The following ARK2N variants were observed in gnomAD, a reference collection of about 807,000 sequenced individuals.
The protein encoded by ARK2N is protein ARK2N.
chr18:46,207,891 A>G, the ARK2N span, among the ~76,000 whole-genome samples: 2 of 152,146 alleles, frequency 1.3e-5, no homozygotes, highest in Non-Finnish European at 1.5e-5. Context: ...TGTCCATTCC[A>G]TTGGCCTACC....
the ARK2N span, among the ~76,000 whole-genome samples, chr18:46,223,801 T>C: frequency 6.6e-6 from 1 of 152,124 alleles, no homozygotes; most frequent in African/African-American, 2.4e-5. Context: ...TAATCTTTCA[T>C]GAGGAGACAA....
At chr18:46,226,198 A>G in the ARK2N span, among the ~76,000 whole-genome samples, 5 of 152,214 alleles carry the variant, frequency 3.3e-5, no homozygotes, top group Non-Finnish European at 7.4e-5. Context: ...GAAGAACACA[A>G]TTCGTTTCTG....
At chr18:46,174,013 G>A in the ARK2N span, 1 of 152,342 alleles carries the variant, frequency 6.6e-6, no homozygotes, top group African/African-American at 2.4e-5. Flanking sequence ...GGCCGACGCG[G>A]GCTCTGTGTT....
chr18:46,198,883 C>A, the ARK2N span, among the ~76,000 whole-genome samples: 3 of 152,296 alleles, frequency 2.0e-5, no homozygotes, highest in East Asian at 5.8e-4. Context: ...GGATGTGAGC[C>A]ACTGTGCCCA....
chr18:46,181,000 G>A, the ARK2N span, among the ~76,000 whole-genome samples: 1 of 152,084 alleles, frequency 6.6e-6, no homozygotes, highest in African/African-American at 2.4e-5. Flanking sequence ...GGTAACTCAC[G>A]CCTGTAATCC....
At chr18:46,193,926 A>G in the ARK2N span, among the ~76,000 whole-genome samples, 1 of 152,046 alleles carries the variant, frequency 6.6e-6, no homozygotes, top group East Asian at 1.9e-4. Context: ...GTGGATATTT[A>G]CACACCTTTA....
At chr18:46,219,179 T>G in the ARK2N span, 13 of 152,302 alleles carry the variant, frequency 8.5e-5, no homozygotes, top group African/African-American at 3.1e-4. Context: ...TAATTGAGTT[T>G]GATATCTGGG....
the ARK2N span, among the ~76,000 whole-genome samples, chr18:46,182,684 T>A: frequency 4.3e-5 from 1 of 23,120 alleles, no homozygotes; most frequent in Admixed American, 3.6e-4. Flanking sequence ...GCCACAGTGC[T>A]TTTTTTTTTT....
chr18:46,225,693 C>T, the ARK2N span, among the ~76,000 whole-genome samples: 1 of 152,126 alleles, frequency 6.6e-6, no homozygotes, highest in Non-Finnish European at 1.5e-5. Context: ...AACTCCTGAC[C>T]TCGTGCTCCG....
At chr18:46,235,110 G>A in the ARK2N span, among the ~76,000 whole-genome samples, 4 of 152,210 alleles carry the variant, frequency 2.6e-5, no homozygotes, top group Admixed American at 2.6e-4. Context: ...TAATGAGAGA[G>A]TGACAACACT....
chr18:46,205,074 A>AT, the ARK2N span, among the ~76,000 whole-genome samples: 10 of 151,920 alleles, frequency 6.6e-5, no homozygotes, highest in African/African-American at 2.4e-4. Flanking sequence ...CGCCTGGCTA[A>AT]TTTTTTGTAT....
the ARK2N span, among the ~76,000 whole-genome samples, chr18:46,261,822 T>C: frequency 6.6e-6 from 1 of 152,276 alleles, no homozygotes; most frequent in Admixed American, 6.5e-5. Context: ...TTTGTAGGAG[T>C]AGGGCATGTT....
At chr18:46,220,841 T>TA in the ARK2N span, among the ~76,000 whole-genome samples, 1,874 of 152,218 alleles carry the variant, frequency 0.012, 48 homozygotes, top group African/African-American at 0.043. Flanking sequence ...ATACTGCTTT[T>TA]AAAAAATAAT....
chr18:46,241,973 C>T, the ARK2N span, among the ~76,000 whole-genome samples: 1 of 152,016 alleles, frequency 6.6e-6, no homozygotes, highest in Non-Finnish European at 1.5e-5. Flanking sequence ...CGCACCACCA[C>T]GCCTGGCTAA....
At chr18:46,254,325 G>A in the ARK2N span, among the ~76,000 whole-genome samples, 1 of 152,156 alleles carries the variant, frequency 6.6e-6, no homozygotes, top group Non-Finnish European at 1.5e-5. Context: ...TGTATTTCCA[G>A]TAATGCTCAT....
chr18:46,233,729 T>G, the ARK2N span, among the ~76,000 whole-genome samples: 1 of 152,226 alleles, frequency 6.6e-6, no homozygotes, highest in Non-Finnish European at 1.5e-5. Flanking sequence ...TTTACCAGTA[T>G]AAGGACAAAT....
At chr18:46,247,186 T>A in the ARK2N span, among the ~76,000 whole-genome samples, 13 of 152,014 alleles carry the variant, frequency 8.6e-5, no homozygotes, top group East Asian at 1.9e-3. Flanking sequence ...GTTTTTTTTT[T>A]AAAAGACAGT....
the ARK2N span, among the ~76,000 whole-genome samples, chr18:46,254,210 A>G: frequency 6.6e-6 from 1 of 152,250 alleles, no homozygotes; most frequent in East Asian, 1.9e-4. Context: ...ACAGTTGGGA[A>G]ACATGCATCT....
At chr18:46,263,041 C>A in the ARK2N span, 1 of 1,614,182 alleles carries the variant, frequency 6.2e-7, no homozygotes, top group Non-Finnish European at 8.5e-7. Context: ...TGTGACTCCC[C>A]AGCAGACTTG....
Sources: allele counts gnomAD v4.1 joint callset (sites outside exome capture counted in the v4.1 genomes callset), GRCh38; gene constraint gnomAD v4.1.1; transcripts MANE v1.5; gene names NCBI Gene and HGNC (gene_info 2026-07-23, HGNC 2026-07-21).